Variants in ITSN1 observed in about 807,000 individuals in gnomAD.
ITSN1 encodes intersectin 1, also known as intersectin-1.
Under a neutral mutation model 239.8 loss-of-function variants are expected in ITSN1, and 58 were observed. The observed-to-expected ratio is 0.24, with a 90% CI of 0.20 to 0.30. ITSN1 has a LOEUF of 0.30. ITSN1 is among the 10% of genes least tolerant of loss of function. The pLI is 1.00. For missense variants in ITSN1, 1,558 were observed against 2,103.3 expected, an observed-to-expected ratio of 0.74 and a Z score of 5.07; for synonymous variants, 780 against 770.8, an observed-to-expected ratio of 1.01 and a Z score of -0.20.
chr21:33,827,212 C>T (rs1414614248), intron 26 of ITSN1, among the ~76,000 whole-genome samples: 2 of 151,984 alleles, frequency 1.3e-5, no homozygotes, highest in South Asian at 2.1e-4. Flanking sequence ...CCAGCCTGGC[C>T]AACAGGGGAA....
Position 33,883,430 on chromosome 21 carries a change from C to T in ITSN1, c.4555-120C>T, listed in dbSNP as rs768303801. On this transcript the variant is annotated intron_variant, in intron 35 of 39. Coordinates refer to ENST00000381318, the MANE Select transcript of ITSN1 (RefSeq NM_003024.3). The stretch of plus-strand genomic sequence containing the variant: ...ACACACGCACGAGTGTGCACACACG[C>T]GCTGACTTGCAGTCTCGTTTACTAG... The T allele has an allele frequency of 1.2e-4, 155 of 1,345,282 alleles. 2 individuals are homozygous for T. The highest frequency in any genetic ancestry group is 3.9e-4 in the Middle Eastern group (2 of 5,136). The allele number at this position is 1,345,282 out of a possible 1,614,324, so 83.3% of individuals were successfully genotyped here. A position where few individuals can be genotyped will look rare whatever the true frequency, so the allele number is the denominator to read the frequency against.
chr21:33,684,604 A>G (rs537169470), intron 1 of ITSN1, among the ~76,000 whole-genome samples: 26 of 152,238 alleles, frequency 1.7e-4, no homozygotes, highest in African/African-American at 5.8e-4. Flanking sequence ...TCCTTTAATT[A>G]TCTCAGAAAG....
chr21:33,735,407 A>G (rs569074614), intron 5 of ITSN1: 22 of 653,224 alleles, frequency 3.4e-5, no homozygotes, highest in East Asian at 6.0e-5. Context: ...AAAGTAATCA[A>G]AATGAAAGCA....
chr21:33,781,736 A>G (rs1208883769), intron 15 of ITSN1, among the ~76,000 whole-genome samples, 188 bp downstream of exon 15: 1 of 151,952 alleles, frequency 6.6e-6, no homozygotes, highest in East Asian at 1.9e-4. Context: ...ATGCCACCAC[A>G]GCCAGCTAGT....
intron 4 of ITSN1, among the ~76,000 whole-genome samples, chr21:33,722,860 C>T (rs2065583483): frequency 6.6e-6 from 1 of 152,130 alleles, no homozygotes; most frequent in Non-Finnish European, 1.5e-5. Flanking sequence ...AAAGTGGTGA[C>T]ATTTGAATGA....
chr21:33,731,886 T>C (rs538052092), intron 4 of ITSN1, among the ~76,000 whole-genome samples: 1 of 152,310 alleles, frequency 6.6e-6, no homozygotes, highest in African/African-American at 2.4e-5. Flanking sequence ...CAATGGCCTG[T>C]GACACAGCCC....
chr21:33,806,562 T>A (rs1490305027), intron 20 of ITSN1, among the ~76,000 whole-genome samples: 1 of 152,270 alleles, frequency 6.6e-6, no homozygotes, highest in Non-Finnish European at 1.5e-5. Flanking sequence ...GTGGCTGCTG[T>A]GTATATTTGA....
Position 33,799,782 on chromosome 21 carries a change from T to C in ITSN1, c.2183-26T>C, listed in dbSNP as rs770556824. 2.5e-6 allele frequency: 4 copies of C among 1,610,874 alleles called. No individual in the cohort carries two copies. In the African/African-American group the frequency reaches 5.4e-5, roughly 22 times the overall value. ...TGTTCTCTGTAATTATTTATTTTTGTCCCCCCCACCTTTTTTTGTAAACAG... is the reference window on the plus strand; with the variant it reads ...TGTTCTCTGTAATTATTTATTTTTGCCCCCCCCACCTTTTTTTGTAAACAG... On this transcript the variant is annotated intron_variant, in intron 18 of 39. Coordinates refer to ENST00000381318, the MANE Select transcript of ITSN1 (RefSeq NM_003024.3).
intron 1 of ITSN1, among the ~76,000 whole-genome samples, chr21:33,680,017 T>G (rs1048050203): frequency 9.8e-5 from 15 of 152,322 alleles, no homozygotes; most frequent in East Asian, 1.9e-4. Context: ...GTTTTTAATC[T>G]GTCATTTTAT....
chr21:33,775,213 T>C, intron 14 of ITSN1, 105 bp downstream of exon 14: 1 of 1,246,556 alleles, frequency 8.0e-7, no homozygotes, highest in African/African-American at 1.5e-5. Context: ...AACTGTCTTG[T>C]ACTAGGCACT....
intron 1 of ITSN1, among the ~76,000 whole-genome samples, chr21:33,680,134 A>G (rs1246816656): frequency 6.6e-6 from 1 of 152,150 alleles, no homozygotes; most frequent in Non-Finnish European, 1.5e-5. Flanking sequence ...TAAAGCAAAT[A>G]TCTTCTAATT....
intron 12 of ITSN1, among the ~76,000 whole-genome samples, chr21:33,773,047 T>TC (rs1370582599): frequency 6.6e-6 from 1 of 150,952 alleles, no homozygotes; most frequent in Non-Finnish European, 1.5e-5. Context: ...CTCTGTCACT[T>TC]CCAGGCTGGA....
intron 1 of ITSN1, among the ~76,000 whole-genome samples, chr21:33,694,921 C>G (rs1041691387): frequency 3.9e-5 from 6 of 152,190 alleles, no homozygotes; most frequent in African/African-American, 1.4e-4. Context: ...CTCCATCAAT[C>G]CTGCCTGAGC....
intron 1 of ITSN1, among the ~76,000 whole-genome samples, chr21:33,688,546 G>A (rs1490304348): frequency 1.3e-5 from 2 of 152,162 alleles, no homozygotes; most frequent in Non-Finnish European, 2.9e-5. Flanking sequence ...AACAGAGGCT[G>A]GGAATGCAGT....
chr21:33,678,016 T>G (rs981115471), intron 1 of ITSN1, among the ~76,000 whole-genome samples: 8 of 152,190 alleles, frequency 5.3e-5, no homozygotes, highest in African/African-American at 1.9e-4. Flanking sequence ...ATTAAAACCT[T>G]TCAAAGACTT....
intron 29 of ITSN1, among the ~76,000 whole-genome samples, chr21:33,844,502 G>A (rs1039919488): frequency 2.6e-5 from 4 of 152,174 alleles, no homozygotes; most frequent in African/African-American, 9.7e-5. Context: ...CAGCCCCCTA[G>A]ACATGCCGGC....
intron 29 of ITSN1, among the ~76,000 whole-genome samples, chr21:33,847,685 G>A (rs781733589): frequency 3.3e-5 from 5 of 152,166 alleles, no homozygotes; most frequent in Admixed American, 6.5e-5. Context: ...GAGAGATGGC[G>A]TTCTGTGGTT....
chr21:33,748,356 A>G (rs2067312629), intron 5 of ITSN1, among the ~76,000 whole-genome samples: 1 of 152,042 alleles, frequency 6.6e-6, no homozygotes, highest in Non-Finnish European at 1.5e-5. Flanking sequence ...GGCTGAGGCA[A>G]AAGAATCCCC....
chr21:33,890,493 C>T lies in ITSN1; in HGVS notation c.*2193C>T, dbSNP rs1220809345. 1.3e-5 allele frequency: 2 copies of T among 152,200 alleles called. No homozygotes were observed. Among genetic ancestry groups the T allele is most frequent in the East Asian group, 1.9e-4 (1 of 5,202 alleles). 9.4% of individuals were successfully genotyped at this position (152,200 alleles called of 1,614,324 possible). A position where few individuals can be genotyped will look rare whatever the true frequency, so the allele number is the denominator to read the frequency against. On this transcript the variant is annotated 3_prime_UTR_variant, in exon 40 of 40. Transcript: ENST00000381318. ...AGAAAGCAATATGTGACTCTTTTTC[C>T]TCAAGTGACTCTGTTGAGCATCCTT...
Sources: allele counts gnomAD v4.1 joint callset (sites outside exome capture counted in the v4.1 genomes callset), GRCh38; gene constraint gnomAD v4.1.1; transcripts MANE v1.5; gene names NCBI Gene and HGNC (gene_info 2026-07-23, HGNC 2026-07-21).